KCNAB2: variants seen among roughly 807,000 people sequenced by gnomAD.
The protein encoded by KCNAB2 is voltage-gated potassium channel subunit beta-2.
In KCNAB2, 29 loss-of-function variants were observed where a neutral mutation model predicts 63.6. That is an observed-to-expected ratio of 0.46 (90% confidence interval 0.34 to 0.62). The LOEUF (loss-of-function observed/expected upper bound fraction) is 0.62, where lower values mean the gene tolerates loss of function less well. Among genes scored for constraint, KCNAB2 ranks in the 20% least tolerant of loss-of-function variants. The pLI, the probability that KCNAB2 is intolerant of heterozygous loss-of-function variation, is 0.01. For missense variants in KCNAB2, 359 were observed against 563.9 expected (o/e 0.64, Z 3.68); for synonymous variants, 222 against 224.2 (o/e 0.99, Z 0.09).
In KCNAB2 at chr1:6,058,958, G is replaced by A. The variant is rs1178810629; in HGVS notation, c.218+7204G>A. Among the ~76,000 whole-genome samples, 5 of 151,760 alleles carry A rather than the reference G, an allele frequency of 3.3e-5. No individual in the cohort carries two copies. The South Asian group carries it at 1.0e-3, about 32-fold the overall frequency. ...GCCTCGGTGGTCATGGTCATCCCAGGCCTGGAAACAGCATCCGTCTGCAGC... is the reference window on the plus strand; with the variant it reads ...GCCTCGGTGGTCATGGTCATCCCAGACCTGGAAACAGCATCCGTCTGCAGC... On this transcript the variant is annotated intron_variant, in intron 2 of 15. Coordinates refer to ENST00000378083, the MANE Select transcript of KCNAB2 (RefSeq NM_001199862.2).
rs569771778 is a variant in KCNAB2, at chr1:6,019,941, G to A, written c.-52-20576G>A. ...GGCGGAGCAGGCCCAGCAGGTGAAA[G>A]TTATGAGGAAGCTGGTTTCCAATCA... On this transcript the variant is annotated intron_variant, in intron 1 of 16. Coordinates refer to the KCNAB2 transcript ENST00000341524. Among the ~76,000 whole-genome samples, 136 of 152,222 alleles carry A rather than the reference G, an allele frequency of 8.9e-4. 3 individuals carry two copies. The highest frequency in any genetic ancestry group is 4.7e-4 in the Non-Finnish European group (32 of 68,044).
upstream of KCNAB2, among the ~76,000 whole-genome samples, chr1:6,033,184 TGTGTGTGTGCATGTGC>T (rs564772171): frequency 4.1e-4 from 62 of 151,936 alleles, 1 homozygote; most frequent in Admixed American, 1.2e-3. Flanking sequence ...CAGAGAAAAG[TGTGTGTGTGCATGTGC>T]GTGTGTGTGC....
intron 8 of KCNAB2, among the ~76,000 whole-genome samples, chr1:6,089,630 T>G (rs1665012672): frequency 6.6e-6 from 1 of 152,212 alleles, no homozygotes; most frequent in African/African-American, 2.4e-5. Flanking sequence ...AGCGTTTCAC[T>G]CTGCCGGCTG....
At chr1:6,072,624 T>C in intron 2 of KCNAB2, 131 bp from the exon 3 acceptor site, 1 of 959,938 alleles carries the variant, frequency 1.0e-6, no homozygotes, top group South Asian at 1.5e-5. Flanking sequence ...AGGTCCCCGG[T>C]GCCTTTCGGA....
intron 1 of KCNAB2, among the ~76,000 whole-genome samples, chr1:6,000,917 C>T (rs1052344411): frequency 6.6e-6 from 1 of 152,136 alleles, no homozygotes; most frequent in Non-Finnish European, 1.5e-5. Flanking sequence ...TGGTCCAGGG[C>T]ACCAAGGCGT....
chr1:6,091,776 G>A (rs987155190), intron 10 of KCNAB2, among the ~76,000 whole-genome samples: 3 of 152,164 alleles, frequency 2.0e-5, no homozygotes, highest in Non-Finnish European at 4.4e-5. Flanking sequence ...TCTCCTGGAG[G>A]CAGAGATCAC....
chr1:6,031,289 G>A (rs1366029906), upstream of KCNAB2, among the ~76,000 whole-genome samples: 1 of 152,204 alleles, frequency 6.6e-6, no homozygotes, highest in Non-Finnish European at 1.5e-5. The surrounding 1 kb of genome is among the most constrained non-coding windows in gnomAD (Gnocchi z 4.1). Flanking sequence ...GGCTCCGACA[G>A]GGTACAGATT....
At chr1:6,027,755 AC>A in intron 1 of KCNAB2, among the ~76,000 whole-genome samples, 1 of 152,218 alleles carries the variant, frequency 6.6e-6, no homozygotes, top group East Asian at 1.9e-4. Flanking sequence ...GGCAGTCATG[AC>A]CTTGGGCACC....
intron 1 of KCNAB2, among the ~76,000 whole-genome samples, chr1:6,050,575 C>T (rs531327275): frequency 6.6e-6 from 1 of 152,370 alleles, no homozygotes; most frequent in Admixed American, 6.5e-5. Context: ...TCTCTCAGGG[C>T]TCACTCACTC....
chr1:6,061,608 C>G (rs1250060332), intron 2 of KCNAB2, among the ~76,000 whole-genome samples: 1 of 152,234 alleles, frequency 6.6e-6, no homozygotes, highest in Non-Finnish European at 1.5e-5. Context: ...GTTGGGACAA[C>G]CAAAAATGCC....
At chr1:6,056,169 C>T (rs931821063) in intron 2 of KCNAB2, among the ~76,000 whole-genome samples, 3 of 152,122 alleles carry the variant, frequency 2.0e-5, no homozygotes, top group Non-Finnish European at 4.4e-5. Context: ...CTCAGCCTCC[C>T]GAGTAGCTGG....
In KCNAB2 at chr1:6,071,194, G is replaced by A. The variant is rs1237904950; in HGVS notation, c.219-1561G>A. On this transcript the variant is annotated intron_variant, in intron 2 of 15. Transcript: ENST00000378083. This position sits in a 1 kb window ranked among gnomAD's most constrained non-coding sequence, Gnocchi z 8.5. ...CTTGAGCCCCATGCCGCCTTCCCAG[G>A]GGCCAGGCTTGGACAGGAAAGAGGA... Among the ~76,000 whole-genome samples the A allele has an allele frequency of 2.6e-5, 4 of 152,182 alleles. No individual in the cohort carries two copies. Among genetic ancestry groups the A allele is most frequent in the Admixed American group, 6.5e-5 (1 of 15,290 alleles).
intron 1 of KCNAB2, among the ~76,000 whole-genome samples, chr1:5,993,294 T>C (rs1656665136): frequency 6.6e-6 from 1 of 151,372 alleles, no homozygotes; most frequent in South Asian, 2.1e-4. Context: ...CCGGTCCCTT[T>C]CCCCACCCTC....
chr1:6,059,073 C>T (rs983087950), intron 2 of KCNAB2, among the ~76,000 whole-genome samples: 2 of 152,186 alleles, frequency 1.3e-5, no homozygotes, highest in African/African-American at 4.8e-5. Flanking sequence ...GGAGGAAAGG[C>T]AGAGAGACCC....
chr1:6,041,793 CT>C (rs773506120), upstream of KCNAB2: 1 of 1,589,666 alleles, frequency 6.3e-7, no homozygotes, highest in Non-Finnish European at 8.6e-7. Flanking sequence ...TCTTCTCTCC[CT>C]TTCTCCTTTT....
At chr1:6,058,125 G>A (rs1661998651) in intron 2 of KCNAB2, among the ~76,000 whole-genome samples, 1 of 152,088 alleles carries the variant, frequency 6.6e-6, no homozygotes, top group African/African-American at 2.4e-5. Context: ...CTCCAGCCTG[G>A]GTGACAGAAC....
chr1:5,998,656 A>T (rs1372662187), intron 1 of KCNAB2, among the ~76,000 whole-genome samples: 8 of 152,190 alleles, frequency 5.3e-5, no homozygotes, highest in Non-Finnish European at 1.0e-4. Flanking sequence ...TGAGGCAGGT[A>T]TCTGCTGCAT....
In KCNAB2 at chr1:6,086,703, T is replaced by A. The variant is rs1664728679; in HGVS notation, c.426-764T>A. 6.6e-6 allele frequency among the ~76,000 whole-genome samples: 1 copy of A among 152,150 alleles called. No individual in the cohort carries two copies. Among genetic ancestry groups the A allele is most frequent in the African/African-American group, 2.4e-5 (1 of 41,436 alleles). On this transcript the variant is annotated intron_variant, in intron 6 of 15. Coordinates refer to ENST00000378083, the MANE Select transcript of KCNAB2 (RefSeq NM_001199862.2). The surrounding 1 kb of genome is among the most constrained non-coding windows in gnomAD (Gnocchi z 4.2). ...CACTGGTATGGGCATTTGTCTCGTG[T>A]GGACTTAGAGCAGAAGAACGAATTA... is the stretch of plus-strand genomic sequence containing the variant.
chr1:6,015,750 G>A (rs1038651649), intron 1 of KCNAB2, among the ~76,000 whole-genome samples: 3 of 152,162 alleles, frequency 2.0e-5, no homozygotes, highest in Non-Finnish European at 4.4e-5. Context: ...TGTCACCCAG[G>A]TTGGAGTGCA....
Sources: gnomAD v4.1 joint callset for allele counts (sites outside exome capture counted in the v4.1 genomes callset) on GRCh38, gnomAD v4.1.1 for gene constraint, Gnocchi (gnomAD v3.1) non-coding constraint, MANE v1.5 for transcripts, NCBI Gene and HGNC (gene_info 2026-07-23, HGNC 2026-07-21) for gene names.